Variants in LIMK2 observed in about 807,000 individuals in gnomAD.
The protein encoded by LIMK2 is LIM domain kinase 2.
A neutral mutation model predicts 75.7 loss-of-function variants in LIMK2; 35 were observed. The ratio of observed to expected loss-of-function variants is 0.46; its 90% confidence interval spans 0.35 to 0.61. The LOEUF (loss-of-function observed/expected upper bound fraction) is 0.61, where lower values mean the gene tolerates loss of function less well. Among genes scored for constraint, LIMK2 ranks in the 20% least tolerant of loss-of-function variants. LIMK2 has a pLI of 0.00. For synonymous variants in LIMK2, 301 were observed against 319.2 expected, an observed-to-expected ratio of 0.94 and a Z score of 0.61; for missense variants, 623 against 831.0, an observed-to-expected ratio of 0.75 and a Z score of 3.08.
Position 31,264,660 on chromosome 22 carries a change from C to T in LIMK2, c.855-1286C>T, listed in dbSNP as rs540651897. Among the ~76,000 whole-genome samples, 19 of 152,324 alleles carry T rather than the reference C, an allele frequency of 1.2e-4. No individual in the cohort carries two copies. The South Asian group carries it at 3.3e-3, about 27-fold the overall frequency. Reference sequence around the variant, plus strand: ...TTTGCTGGCCAGGCACGGTGGCTCACGCCTGTAATCCCAGCACATTGGGAG... The same window carrying T: ...TTTGCTGGCCAGGCACGGTGGCTCATGCCTGTAATCCCAGCACATTGGGAG... On this transcript the variant is annotated intron_variant, in intron 7 of 15. Coordinates refer to ENST00000331728, the MANE Select transcript of LIMK2 (RefSeq NM_005569.4).
chr22:31,265,288 C>T (rs2048882927), intron 7 of LIMK2, among the ~76,000 whole-genome samples: 1 of 151,384 alleles, frequency 6.6e-6, no homozygotes, highest in African/African-American at 2.4e-5. Context: ...ATCGCTTGAA[C>T]CTGGAAGGCG....
At chr22:31,244,998 A>C (rs1014710537) in intron 2 of LIMK2, among the ~76,000 whole-genome samples, 3 of 152,228 alleles carry the variant, frequency 2.0e-5, no homozygotes, top group Non-Finnish European at 2.9e-5. Context: ...TTATCTGTAA[A>C]GAGAAAAATC....
chr22:31,212,423 G>A lies in LIMK2; in HGVS notation c.15G>A (p.Ala5=). 2 of 1,335,104 alleles carry A rather than the reference G, an allele frequency of 1.5e-6. No individual in the cohort carries two copies. Among genetic ancestry groups the A allele is most frequent in the Non-Finnish European group, 1.9e-6 (2 of 1,032,838 alleles). The allele number at this position is 1,335,104 out of a possible 1,614,324, so 82.7% of individuals were successfully genotyped here. A position where few individuals can be genotyped will look rare whatever the true frequency, so the allele number is the denominator to read the frequency against. The change falls in exon 1 of 16, where the codon GCG becomes GCA. Residue 5 remains alanine (A), a splice_region_variant and synonymous_variant. Coordinates refer to ENST00000331728, the MANE Select transcript of LIMK2 (RefSeq NM_005569.4). The part of the protein sequence containing the change: MSAL[A]GEDVWRCPGC... ...CTCCCGGGACCATGTCCGCGCTGGC[G>A]GGTAAGGAAGGGCTGCTCCGCCCTG...
intron 1 of LIMK2, among the ~76,000 whole-genome samples, chr22:31,212,683 G>A (rs2048357750): frequency 6.6e-6 from 1 of 152,166 alleles, no homozygotes; most frequent in Non-Finnish European, 1.5e-5. Flanking sequence ...CTTCCCGCGA[G>A]TTGAGGTCCC....
At chr22:31,229,630 A>G (rs1406701675) in intron 2 of LIMK2, among the ~76,000 whole-genome samples, 1 of 152,188 alleles carries the variant, frequency 6.6e-6, no homozygotes, top group Admixed American at 6.5e-5. Flanking sequence ...GTTACAATAA[A>G]GGAAATGACT....
chr22:31,279,566 C>G lies in LIMK2; in HGVS notation c.*1125C>G, dbSNP rs1160477001. ...ACCTCCCATGTTTGCTCTCCCAACT[C>G]ATTAGCTCCTGGGCAGCATCCTCCT... On this transcript the variant is annotated 3_prime_UTR_variant, in exon 16 of 16. Coordinates refer to ENST00000331728, the MANE Select transcript of LIMK2 (RefSeq NM_005569.4). 1 of 152,232 alleles carries G rather than the reference C, an allele frequency of 6.6e-6. No individual in the cohort carries two copies. Among genetic ancestry groups the G allele is most frequent in the Non-Finnish European group, 1.5e-5 (1 of 68,074 alleles). 9.4% of individuals were successfully genotyped at this position (152,232 alleles called of 1,614,324 possible). A position where few individuals can be genotyped will look rare whatever the true frequency, so the allele number is the denominator to read the frequency against.
chr22:31,267,018 T>A lies in LIMK2; in HGVS notation c.1076T>A (p.Met359Lys). ...THKATGKVMV[M>K]KELIRCDEET... ...AAAGCCACGGGCAAAGTGATGGTCA[T>A]GAAAGAGTTAATTCGATGTGATGAG... Residue 359 changes from methionine to lysine, a missense_variant, in exon 9 of 16, where the codon ATG (methionine) becomes AAG (lysine). By Grantham distance (95) the Met-to-Lys change is moderately conservative. This residue lies in a region of LIMK2 where 514 missense variants were observed against 661.3 expected (regional missense o/e 0.78). Coordinates refer to ENST00000331728, the MANE Select transcript of LIMK2 (RefSeq NM_005569.4). 6.2e-7 allele frequency: 1 copy of A among 1,610,568 alleles called. No individual in the cohort carries two copies. The highest frequency in any genetic ancestry group is 1.7e-5 in the Admixed American group (1 of 59,632).
chr22:31,262,366 C>T lies in LIMK2; in HGVS notation c.657+127C>T. On this transcript the variant is annotated intron_variant, in intron 6 of 15. Coordinates refer to ENST00000331728, the MANE Select transcript of LIMK2 (RefSeq NM_005569.4). This position sits in a 1 kb window ranked among gnomAD's most constrained non-coding sequence, Gnocchi z 5.0. ...CTTTGTCTTAGCATTGAGCCTGTGA[C>T]CACTGGTGACCTATTTCAGCGTAAC... 1.2e-6 allele frequency: 1 copy of T among 839,048 alleles called. No individual in the cohort carries two copies. Among genetic ancestry groups the T allele is most frequent in the East Asian group, 2.6e-5 (1 of 38,512 alleles). The allele number at this position is 839,048 out of a possible 1,614,324, so 52.0% of individuals were successfully genotyped here.
At chr22:31,278,226 A>AGAT (rs2049051462) in intron 15 of LIMK2, 71 bp from the exon 16 acceptor site, 6 of 1,382,862 alleles carry the variant, frequency 4.3e-6, no homozygotes, top group Non-Finnish European at 6.0e-6. Context: ...AGCTGAGCCT[A>AGAT]GATCCCTTCC....
Position 31,252,964 on chromosome 22 carries a change from A to G in LIMK2, c.117-5327A>G, listed in dbSNP as rs143218193. 5.9e-5 allele frequency among the ~76,000 whole-genome samples: 9 copies of G among 152,338 alleles called. No individual in the cohort carries two copies. The East Asian group carries it at 1.7e-3, about 29-fold the overall frequency. The stretch of plus-strand genomic sequence containing the variant: ...ACTGATTATCTTTTTTAAAAAACTC[A>G]TATGTTCTCTGCTGACTCAAAAGGT... On this transcript the variant is annotated intron_variant, in intron 2 of 15. Coordinates refer to ENST00000331728, the MANE Select transcript of LIMK2 (RefSeq NM_005569.4).
At position 31,266,121 on chromosome 22, in the gene LIMK2, C is replaced by A; in HGVS notation, c.1030C>A (p.Gln344Lys). ...GGTCCTGGGGAAGGGCTTCTTTGGGCAGGCTATCAAGGTGAGCGCAGGCAA... is the reference window on the plus strand; with the variant it reads ...GGTCCTGGGGAAGGGCTTCTTTGGGAAGGCTATCAAGGTGAGCGCAGGCAA... Reference protein sequence around the residue: ...GEVLGKGFFGQAIKVTHKATG... With the variant: ...GEVLGKGFFGKAIKVTHKATG... Residue 344 changes from glutamine (Q) to lysine (K), a missense_variant, in exon 8 of 16, where the codon CAG becomes AAG. Gln to Lys is a moderately conservative substitution (Grantham distance 53). Transcript: ENST00000331728. 1.2e-6 allele frequency: 2 copies of A among 1,614,170 alleles called. No individual in the cohort carries two copies. The highest frequency in any genetic ancestry group is 1.7e-6 in the Non-Finnish European group (2 of 1,180,006).
chr22:31,276,804 C>G (rs1331891626), intron 15 of LIMK2: 11 of 1,610,390 alleles, frequency 6.8e-6, no homozygotes, highest in Non-Finnish European at 9.3e-6. Flanking sequence ...CCCCCGGGGC[C>G]GCAGGAGAGG....
At chr22:31,276,740 G>T in intron 15 of LIMK2, 1 of 1,530,986 alleles carries the variant, frequency 6.5e-7, no homozygotes, top group Non-Finnish European at 8.8e-7. Flanking sequence ...CCCCGGCCCC[G>T]GCCCCCAGGC....
intron 2 of LIMK2, among the ~76,000 whole-genome samples, chr22:31,242,254 C>T (rs1471709125): frequency 6.6e-6 from 1 of 152,166 alleles, no homozygotes; most frequent in African/African-American, 2.4e-5. Flanking sequence ...ATGATCAGCT[C>T]CTTTTCTAAG....
chr22:31,248,315 T>G, intron 2 of LIMK2: 4 of 1,177,738 alleles, frequency 3.4e-6, no homozygotes, highest in Non-Finnish European at 4.3e-6. Context: ...CTCCTCTTCC[T>G]CCCTCCCTCC....
intron 1 of LIMK2, among the ~76,000 whole-genome samples, chr22:31,216,657 G>T (rs2048391355): frequency 6.6e-6 from 1 of 152,150 alleles, no homozygotes; most frequent in Non-Finnish European, 1.5e-5. Flanking sequence ...ATGGAGCAGG[G>T]TAGGGTCCAA....
intron 1 of LIMK2, among the ~76,000 whole-genome samples, chr22:31,213,543 G>T (rs1407586374): frequency 6.6e-6 from 1 of 152,212 alleles, no homozygotes; most frequent in East Asian, 1.9e-4. Context: ...CAGCAAGGGA[G>T]CATGGGATTT....
At chr22:31,247,434 A>G (rs1297062348) in intron 2 of LIMK2, among the ~76,000 whole-genome samples, 1 of 152,158 alleles carries the variant, frequency 6.6e-6, no homozygotes, top group Non-Finnish European at 1.5e-5. Flanking sequence ...AAGCATGGTT[A>G]TCACAGGACA....
chr22:31,272,589 A>AAGGGCCCCCATGGAG lies in LIMK2; in HGVS notation c.1445_1459dup (p.Arg482_Glu486dup), dbSNP rs2048970611. 1 of 1,613,766 alleles carries AAGGGCCCCCATGGAG rather than the reference A, an allele frequency of 6.2e-7. No individual in the cohort carries two copies. The highest frequency in any genetic ancestry group is 1.7e-5 in the Admixed American group (1 of 59,962). On this transcript the variant is annotated inframe_insertion, in exon 13 of 16. Transcript: ENST00000331728. Reference sequence around the variant, plus strand: ...CACGGCTCATAGTGGAAGAGAGGAAAAGGGCCCCCATGGAGAAGGCCACCA... The same window carrying AAGGGCCCCCATGGAG: ...CACGGCTCATAGTGGAAGAGAGGAAAAGGGCCCCCATGGAGAGGGCCCCCATGGAGAAGGCCACCA...
Sources: gnomAD v4.1 joint callset for allele counts (sites outside exome capture counted in the v4.1 genomes callset) on GRCh38, gnomAD v4.1.1 for gene constraint, gnomAD v4.1.1 regional missense constraint, Gnocchi (gnomAD v3.1) non-coding constraint, MANE v1.5 for transcripts, NCBI Gene and HGNC (gene_info 2026-07-23, HGNC 2026-07-21) for gene names.